Variants in MBNL1 observed in about 807,000 individuals in gnomAD.
MBNL1 encodes muscleblind-like protein 1.
A neutral mutation model predicts 42.2 loss-of-function variants in MBNL1; 8 were observed. The ratio of observed to expected loss-of-function variants is 0.19; its 90% confidence interval spans 0.11 to 0.34. The LOEUF (loss-of-function observed/expected upper bound fraction) is 0.34. Ranked by LOEUF, MBNL1 falls within the 10% of genes least tolerant of loss-of-function variation. The pLI, the probability that MBNL1 is intolerant of heterozygous loss-of-function variation, is 1.00. For synonymous variants in MBNL1, 169 were observed against 173.9 expected (o/e 0.97, Z 0.22); for missense variants, 309 against 495.3 (o/e 0.62, Z 3.57).
intron 1 of MBNL1, among the ~76,000 whole-genome samples, chr3:152,279,976 T>C (rs2047473610): frequency 6.6e-6 from 1 of 152,146 alleles, no homozygotes; most frequent in Admixed American, 6.6e-5. Flanking sequence ...CAAATTCCTC[T>C]CTTCATAGAG....
intron 7 of MBNL1, 34 bp downstream of exon 7, chr3:152,455,611 A>G: frequency 6.2e-7 from 1 of 1,602,506 alleles, no homozygotes; most frequent in Non-Finnish European, 8.5e-7. Flanking sequence ...ATTATCTTAA[A>G]CCTATGGTGT....
intron 6 of MBNL1, among the ~76,000 whole-genome samples, chr3:152,452,230 A>G (rs1724685733): frequency 6.6e-6 from 1 of 152,126 alleles, no homozygotes; most frequent in East Asian, 1.9e-4. Flanking sequence ...TATTTATGTT[A>G]TATATATGAG....
chr3:152,294,384 C>T (rs1170455035), intron 1 of MBNL1, among the ~76,000 whole-genome samples: 1 of 150,018 alleles, frequency 6.7e-6, no homozygotes, highest in Non-Finnish European at 1.5e-5. Flanking sequence ...CCCAGGTTCA[C>T]GCCATTCTCC....
At chr3:152,337,145 T>C (rs745973616) in intron 2 of MBNL1, among the ~76,000 whole-genome samples, 4 of 152,200 alleles carry the variant, frequency 2.6e-5, no homozygotes, top group South Asian at 4.1e-4. Flanking sequence ...CACTCTTTTG[T>C]AGCTGTTTAA....
chr3:152,367,993 GT>G (rs139895999), intron 2 of MBNL1, among the ~76,000 whole-genome samples: 106,514 of 149,730 alleles, frequency 0.71, 37,790 homozygotes, highest in Middle Eastern at 0.76. Flanking sequence ...ACTGATGATA[GT>G]TTTTTTTTTT....
chr3:152,271,681 G>A (rs997190104), intron 1 of MBNL1, among the ~76,000 whole-genome samples: 2 of 152,130 alleles, frequency 1.3e-5, no homozygotes, highest in Non-Finnish European at 2.9e-5. Flanking sequence ...GGAAAGAAGT[G>A]AAATAGGTTC....
chr3:152,249,534 G>A (rs2034098532), intron 2 of MBNL1, among the ~76,000 whole-genome samples: 1 of 124,696 alleles, frequency 8.0e-6, no homozygotes, highest in South Asian at 2.8e-4. Flanking sequence ...TGTCAGATGA[G>A]TAGGTTGCGA....
chr3:152,328,152 G>C (rs2081631950), intron 2 of MBNL1, among the ~76,000 whole-genome samples: 1 of 152,002 alleles, frequency 6.6e-6, no homozygotes, highest in Non-Finnish European at 1.5e-5. Context: ...TGTGTGTTTT[G>C]CCAAGATTTA....
intron 4 of MBNL1, among the ~76,000 whole-genome samples, chr3:152,442,082 C>T (rs1437170427): frequency 7.2e-5 from 11 of 152,132 alleles, no homozygotes; most frequent in South Asian, 2.1e-4. Flanking sequence ...CTTGAGCCAC[C>T]GCGCCCAGTC....
intron 2 of MBNL1, among the ~76,000 whole-genome samples, chr3:152,254,166 A>T (rs1026180836): frequency 6.6e-6 from 1 of 152,210 alleles, no homozygotes; most frequent in East Asian, 1.9e-4. Context: ...CTAAACTGCC[A>T]TGCAAATGTC....
intron 2 of MBNL1, among the ~76,000 whole-genome samples, chr3:152,364,385 TAC>T (rs551605905): frequency 3.3e-5 from 5 of 152,082 alleles, no homozygotes; most frequent in Non-Finnish European, 7.4e-5. Context: ...AGTAAAACAC[TAC>T]ATAGTTTTAC....
chr3:152,299,590 C>G lies in MBNL1; in HGVS notation c.-604C>G, dbSNP rs1214391659. 2.5e-6 allele frequency: 1 copy of G among 397,580 alleles called. No individual in the cohort carries two copies. The highest frequency in any genetic ancestry group is 4.4e-6 in the Non-Finnish European group (1 of 225,486). The allele number at this position is 397,580 out of a possible 1,614,324, so 24.6% of individuals were successfully genotyped here. On this transcript the variant is annotated 5_prime_UTR_variant, in exon 2 of 10. Transcript: ENST00000324210. Reference sequence around the variant, plus strand: ...GAAAAGCTCTAAGTATCTGGCATTGCCCTAGGCTGCTTTAGTGTTAAAAGA... The same window carrying G: ...GAAAAGCTCTAAGTATCTGGCATTGGCCTAGGCTGCTTTAGTGTTAAAAGA...
chr3:152,417,752 C>G (rs562795879), intron 3 of MBNL1, among the ~76,000 whole-genome samples: 1 of 152,184 alleles, frequency 6.6e-6, no homozygotes, highest in African/African-American at 2.4e-5. Context: ...CTCCATAGTT[C>G]AAAGGAATCA....
chr3:152,277,060 A>G (rs1251321689), intron 1 of MBNL1, among the ~76,000 whole-genome samples: 1 of 152,210 alleles, frequency 6.6e-6, no homozygotes, highest in Non-Finnish European at 1.5e-5. Context: ...CTTTTAATCA[A>G]TCAAAAATTC....
At chr3:152,432,540 T>A (rs2099020741) in intron 3 of MBNL1, among the ~76,000 whole-genome samples, 177 bp from the exon 4 acceptor site, 1 of 152,190 alleles carries the variant, frequency 6.6e-6, no homozygotes, top group Non-Finnish European at 1.5e-5. Flanking sequence ...ATTTGATGAA[T>A]GTTTATTTAA....
intron 2 of MBNL1, among the ~76,000 whole-genome samples, chr3:152,414,019 A>G (rs1276836435): frequency 4.6e-5 from 7 of 152,090 alleles, no homozygotes. Context: ...TGTGCTCAGG[A>G]GATCTCTTGC....
chr3:152,435,938 T>G (rs931965260), intron 4 of MBNL1, among the ~76,000 whole-genome samples: 1 of 152,156 alleles, frequency 6.6e-6, no homozygotes, highest in Admixed American at 6.5e-5. Flanking sequence ...TCAGGGAGCT[T>G]TTGGGCCGAG....
intron 2 of MBNL1, among the ~76,000 whole-genome samples, chr3:152,309,283 G>C (rs1004562335): frequency 2.6e-5 from 4 of 152,186 alleles, no homozygotes; most frequent in Non-Finnish European, 5.9e-5. Flanking sequence ...TCATGGGTCA[G>C]TTGGTAACGA....
At chr3:152,395,993 G>A (rs1248463973) in intron 2 of MBNL1, among the ~76,000 whole-genome samples, 1 of 152,152 alleles carries the variant, frequency 6.6e-6, no homozygotes, top group Admixed American at 6.5e-5. Context: ...CAGCTGCTCC[G>A]CATTGCTGGC....
Sources: allele counts gnomAD v4.1 joint callset (sites outside exome capture counted in the v4.1 genomes callset), GRCh38; gene constraint gnomAD v4.1.1; transcripts MANE v1.5; gene names NCBI Gene and HGNC (gene_info 2026-07-23, HGNC 2026-07-21).